DHX30: variants seen among roughly 807,000 people sequenced by gnomAD.
DHX30 encodes DExH-box helicase 30, also known as ATP-dependent RNA helicase DHX30.
A neutral mutation model predicts 116.9 loss-of-function variants in DHX30; 4 were observed. The observed-to-expected ratio is 0.03, with a 90% CI of 0.02 to 0.08. The LOEUF is 0.08. Ranked by LOEUF, DHX30 falls within the 10% of genes least tolerant of loss-of-function variation. The pLI is 1.00. For missense variants in DHX30, 871 were observed against 1,595.1 expected, an observed-to-expected ratio of 0.55 and a Z score of 7.73; for synonymous variants, 697 against 651.7, an observed-to-expected ratio of 1.07 and a Z score of -1.06.
intron 2 of DHX30, among the ~76,000 whole-genome samples, chr3:47,807,630 G>T (rs1252725357): frequency 6.6e-6 from 1 of 150,730 alleles, no homozygotes; most frequent in South Asian, 2.1e-4. Flanking sequence ...GCTTGAACCC[G>T]GGAGGTGGAG....
chr3:47,841,500 C>A, intron 7 of DHX30, 117 bp from the exon 8 acceptor site: 1 of 1,427,038 alleles, frequency 7.0e-7, no homozygotes, highest in Non-Finnish European at 9.5e-7. Flanking sequence ...CATTTCATGC[C>A]TTCTGCCCTT....
chr3:47,846,261 A>G lies in DHX30; in HGVS notation c.1189A>G (p.Ile397Val). 1 of 1,614,196 alleles carries G rather than the reference A, an allele frequency of 6.2e-7. No homozygotes were observed. Among genetic ancestry groups the G allele is most frequent in the Non-Finnish European group, 8.5e-7 (1 of 1,180,038 alleles). Residue 397 changes from isoleucine to valine, a missense_variant, in exon 11 of 22, where the codon ATC (isoleucine) becomes GTC (valine). Ile to Val is a conservative substitution (Grantham distance 29). Around this residue, in one of 13 missense-constraint regions of DHX30, gnomAD observed 175 missense variants for 292.9 expected, o/e 0.60. Transcript: ENST00000445061. ...GKDSGPLSDP[I>V]TGKPYVPLLE... ...GGACTCAGGGCCTCTGAGTGACCCTATCACAGGCAAGCCCTATGTGCCCCT... is the reference window on the plus strand; with the variant it reads ...GGACTCAGGGCCTCTGAGTGACCCTGTCACAGGCAAGCCCTATGTGCCCCT...
Position 47,847,484 on chromosome 3 carries a change from G to C in DHX30, c.2058G>C (p.Gln686His). The C allele has an allele frequency of 6.2e-7, 1 of 1,613,144 alleles. No homozygotes were observed. The highest frequency in any genetic ancestry group is 8.5e-7 in the Non-Finnish European group (1 of 1,179,424). ...PGWQEIKGVQ[Q>H]RLQEALGMHE... ...GGCAGGAGATCAAAGGAGTGCAGCA[G>C]CGCCTCCAGGAGGCCCTGGGCATGC... Residue 686 changes from glutamine to histidine, a missense_variant, in exon 13 of 22, where the codon CAG becomes CAC. Gln to His is a conservative substitution (Grantham distance 24, BLOSUM62 0). This residue lies in a region of DHX30 where 49 missense variants were observed against 60.9 expected (regional missense o/e 0.80). Coordinates refer to ENST00000445061, the MANE Select transcript of DHX30 (RefSeq NM_138615.3). The surrounding 1 kb of genome is among the most constrained non-coding windows in gnomAD (Gnocchi z 5.5).
chr3:47,814,871 T>C (rs936328642), intron 3 of DHX30, among the ~76,000 whole-genome samples: 1 of 151,480 alleles, frequency 6.6e-6, no homozygotes, highest in Non-Finnish European at 1.5e-5. Context: ...TTTTAAGAAA[T>C]AAAATAATTA....
At chr3:47,843,701 C>G (rs893844621) in intron 9 of DHX30, among the ~76,000 whole-genome samples, 2 of 152,086 alleles carry the variant, frequency 1.3e-5, no homozygotes, top group African/African-American at 4.8e-5. Flanking sequence ...TGGCAGACAG[C>G]TGGCAGTTCT....
chr3:47,821,668 G>A (rs368270370), intron 4 of DHX30, among the ~76,000 whole-genome samples: 1 of 152,012 alleles, frequency 6.6e-6, no homozygotes, highest in Admixed American at 6.6e-5. Context: ...GCGCAATGTC[G>A]GCTCACTGCA....
chr3:47,818,258 C>T (rs2036146771), intron 4 of DHX30, 141 bp downstream of exon 4: 3 of 643,206 alleles, frequency 4.7e-6, no homozygotes, highest in Admixed American at 2.7e-5. Flanking sequence ...CTATTGGAGC[C>T]CTGAGGGAGA....
At chr3:47,830,821 CT>C (rs2036811899) in intron 6 of DHX30, 1 of 152,352 alleles carries the variant, frequency 6.6e-6, no homozygotes, top group Non-Finnish European at 1.5e-5. Flanking sequence ...TCCCAAACTC[CT>C]GGTCTCAAGC....
intron 3 of DHX30, chr3:47,816,698 G>C: frequency 5.1e-6 from 5 of 985,608 alleles, no homozygotes; most frequent in Non-Finnish European, 6.0e-6. Flanking sequence ...AGTTACCGAG[G>C]AAGCCCAGGT....
rs1349825047 is a variant in DHX30 at position 47,848,591 on chromosome 3, T to C, written c.2576-33T>C. 5 of 1,613,994 alleles carry C rather than the reference T, an allele frequency of 3.1e-6. No homozygotes were observed. The South Asian group carries it at 4.4e-5, about 14-fold the overall frequency. ...GCTGGGCTGGGCTGGGGAGTGGCTC[T>C]CGAGGGTGGTACTGACAGCTGAGCC... On this transcript the variant is annotated intron_variant, in intron 16 of 21. Coordinates refer to ENST00000445061, the MANE Select transcript of DHX30 (RefSeq NM_138615.3). This position sits in a 1 kb window ranked among gnomAD's most constrained non-coding sequence, Gnocchi z 9.4.
chr3:47,841,209 G>T (rs769123525), intron 7 of DHX30, 31 bp downstream of exon 7: 2 of 1,607,478 alleles, frequency 1.2e-6, no homozygotes, highest in East Asian at 2.2e-5. Context: ...TGCAGCAGAG[G>T]CTGGCTGTGC....
At chr3:47,811,143 G>A (rs1407408140) in intron 3 of DHX30, among the ~76,000 whole-genome samples, 5 of 151,256 alleles carry the variant, frequency 3.3e-5, no homozygotes, top group African/African-American at 9.7e-5. Context: ...TAGTTGAGAC[G>A]GGGTTTCACC....
Position 47,844,750 on chromosome 3 carries a change from G to A in DHX30, c.940-950G>A, listed in dbSNP as rs571113111. On this transcript the variant is annotated intron_variant, in intron 9 of 21. Coordinates refer to ENST00000445061, the MANE Select transcript of DHX30 (RefSeq NM_138615.3). ...GTTTTACCCATGTGCGTGAGGTATT[G>A]GAATGCTATGTTTTATCTCTGGTGA... 1.3e-4 allele frequency among the ~76,000 whole-genome samples: 20 copies of A among 152,318 alleles called. No homozygotes were observed. In the South Asian group the frequency reaches 1.9e-3, roughly 14 times the overall value.
intron 4 of DHX30, among the ~76,000 whole-genome samples, chr3:47,822,991 G>C (rs1325591608): frequency 6.6e-6 from 1 of 150,806 alleles, no homozygotes. Context: ...TACTTGGGGG[G>C]CTGAGCCAGG....
At chr3:47,825,142 T>C (rs1330234505) in intron 4 of DHX30, 1 of 673,786 alleles carries the variant, frequency 1.5e-6, no homozygotes, top group Admixed American at 2.1e-5. Context: ...CTCGCGCGGC[T>C]TCTCTTCAAG....
In DHX30 at chr3:47,816,281, T is replaced by C; in HGVS notation, c.29-1741T>C. On this transcript the variant is annotated intron_variant, in intron 3 of 21. Transcript: ENST00000445061. ...ATGACAAAAAACAATTATTGGTGCT[T>C]GGGAAGATGCTTTGGACTACCTAGA... The C allele has an allele frequency of 4.1e-6, 4 of 984,884 alleles. No individual in the cohort carries two copies. In the South Asian group the frequency reaches 1.9e-4, roughly 46 times the overall value. 61.0% of individuals were successfully genotyped at this position (984,884 alleles called of 1,614,324 possible). A position where few individuals can be genotyped will look rare whatever the true frequency, so the allele number is the denominator to read the frequency against.
chr3:47,837,954 G>A (rs1260439916), intron 6 of DHX30, among the ~76,000 whole-genome samples: 6 of 152,184 alleles, frequency 3.9e-5, no homozygotes, highest in Non-Finnish European at 7.3e-5. Context: ...CAGGACCGGT[G>A]TGGGAGCATG....
At chr3:47,828,537 C>T (rs1339363209) in intron 5 of DHX30, among the ~76,000 whole-genome samples, 3 of 151,182 alleles carry the variant, frequency 2.0e-5, no homozygotes, top group Admixed American at 6.6e-5. Flanking sequence ...TTTGGGAGGC[C>T]GAGGTGGGCG....
intron 4 of DHX30, chr3:47,825,201 G>A (rs1466663575): frequency 3.1e-6 from 2 of 652,616 alleles, no homozygotes; most frequent in African/African-American, 3.8e-5. Flanking sequence ...CCGAGTCAGG[G>A]ATGGCCCCCG....
Sources: gnomAD v4.1 joint callset for allele counts (sites outside exome capture counted in the v4.1 genomes callset) on GRCh38, gnomAD v4.1.1 for gene constraint, gnomAD v4.1.1 regional missense constraint, Gnocchi (gnomAD v3.1) non-coding constraint, MANE v1.5 for transcripts, NCBI Gene and HGNC (gene_info 2026-07-23, HGNC 2026-07-21) for gene names.